FHOD3: variants seen among roughly 807,000 people sequenced by gnomAD.
The protein encoded by FHOD3 is FH1/FH2 domain-containing protein 3.
In FHOD3, 90 loss-of-function variants were observed where a neutral mutation model predicts 173.0. The observed-to-expected ratio is 0.52, with a 90% CI of 0.44 to 0.62. The LOEUF is 0.62. FHOD3 is among the 20% of genes least tolerant of loss of function. The probability of loss-of-function intolerance (pLI) is 0.00; values close to 1 mark genes in which losing one functional copy is unlikely to be tolerated. For missense variants in FHOD3, 1,945 were observed against 2,034.7 expected (o/e 0.96, Z 0.85); for synonymous variants, 828 against 823.0 (o/e 1.01, Z -0.10).
chr18:36,740,628 A>C, intron 20 of FHOD3, 28 bp from the exon 21 acceptor site: 1 of 1,583,652 alleles, frequency 6.3e-7, no homozygotes, highest in Non-Finnish European at 8.6e-7. Flanking sequence ...ACTAAGAGAA[A>C]ATATACTATA....
chr18:36,755,671 G>A (rs1394298769), intron 25 of FHOD3, among the ~76,000 whole-genome samples: 4 of 152,152 alleles, frequency 2.6e-5, no homozygotes, highest in South Asian at 2.1e-4. Flanking sequence ...AGATAATGCC[G>A]CTTATCATAG....
At chr18:36,395,512 TG>T (rs1462730124) in intron 3 of FHOD3, among the ~76,000 whole-genome samples, 2 of 152,172 alleles carry the variant, frequency 1.3e-5, no homozygotes, top group Non-Finnish European at 2.9e-5. Flanking sequence ...GAGTCTTTGA[TG>T]TAAAAAAATG....
At chr18:36,547,877 G>A (rs948505752) in intron 5 of FHOD3, among the ~76,000 whole-genome samples, 1 of 152,184 alleles carries the variant, frequency 6.6e-6, no homozygotes, top group Non-Finnish European at 1.5e-5. Flanking sequence ...GAGTAAGATT[G>A]GGTTTGATTA....
At chr18:36,635,038 T>C (rs1039304159) in intron 10 of FHOD3, among the ~76,000 whole-genome samples, 4 of 152,140 alleles carry the variant, frequency 2.6e-5, no homozygotes, top group Non-Finnish European at 5.9e-5. Context: ...AAAAGTATGA[T>C]TGGAATACAG....
At chr18:36,605,563 C>T (rs4799875) in intron 8 of FHOD3, among the ~76,000 whole-genome samples, 15,249 of 152,048 alleles carry the variant, frequency 0.1, 1,013 homozygotes, top group Admixed American at 0.17. Flanking sequence ...CCTAGTGTTC[C>T]GTTATTGGAA....
intron 23 of FHOD3, among the ~76,000 whole-genome samples, chr18:36,746,021 CA>C (rs1271633022): frequency 6.6e-6 from 1 of 152,076 alleles, no homozygotes; most frequent in Non-Finnish European, 1.5e-5. Context: ...TTTCTTTCCC[CA>C]TCCCTTTGTT....
chr18:36,625,578 G>T lies in FHOD3; in HGVS notation c.1025G>T (p.Arg342Met). The T allele has an allele frequency of 6.4e-7, 1 of 1,550,548 alleles. No individual in the cohort carries two copies. The highest frequency in any genetic ancestry group is 8.8e-7 in the Non-Finnish European group (1 of 1,140,712). ...EPPPSGCRDR[R>M]RASVCSSGGG... ...CCCCCCAGTGGGTGCCGGGACCGGA[G>T]GAGGGCCAGCGTGTGTTCCAGTGGC... is the stretch of plus-strand genomic sequence containing the variant. The change falls in exon 10 of 29, where the codon AGG (arginine) becomes ATG (methionine). Residue 342 changes from arginine (R) to methionine (M), a missense_variant. Physicochemically the swap from Arg to Met is moderately conservative, Grantham distance 91. Coordinates refer to ENST00000590592, the MANE Select transcript of FHOD3 (RefSeq NM_001281740.3).
intron 5 of FHOD3, among the ~76,000 whole-genome samples, chr18:36,515,021 C>T (rs1171559594): frequency 6.6e-6 from 1 of 152,178 alleles, no homozygotes; most frequent in Non-Finnish European, 1.5e-5. Context: ...TCTGGTGAGC[C>T]ACAGTGAGGC....
chr18:36,576,409 A>G, intron 5 of FHOD3, 42 bp from the exon 6 acceptor site: 7 of 1,404,108 alleles, frequency 5.0e-6, no homozygotes, highest in Non-Finnish European at 7.0e-6. Flanking sequence ...TTATATTTCT[A>G]TATACATCTA....
At chr18:36,389,845 G>C (rs1280938922) in intron 3 of FHOD3, among the ~76,000 whole-genome samples, 1 of 152,098 alleles carries the variant, frequency 6.6e-6, no homozygotes, top group Non-Finnish European at 1.5e-5. Context: ...CAATGAGTAG[G>C]GCAGGCTCAG....
At chr18:36,300,665 G>A (rs1348387728) in intron 1 of FHOD3, among the ~76,000 whole-genome samples, 3 of 152,164 alleles carry the variant, frequency 2.0e-5, no homozygotes, top group Non-Finnish European at 2.9e-5. Context: ...AAGCATGAGC[G>A]TGGGACAGGC....
chr18:36,769,893 G>A (rs1353751434), intron 28 of FHOD3, among the ~76,000 whole-genome samples: 1 of 152,152 alleles, frequency 6.6e-6, no homozygotes, highest in African/African-American at 2.4e-5. Context: ...AAAAACTAGG[G>A]TAGCAAGGGA....
At chr18:36,716,709 C>T (rs1476768161) in intron 18 of FHOD3, among the ~76,000 whole-genome samples, 1 of 152,040 alleles carries the variant, frequency 6.6e-6, no homozygotes, top group Non-Finnish European at 1.5e-5. Flanking sequence ...GTCACTGGTA[C>T]CTGAAAGCAG....
intron 19 of FHOD3, among the ~76,000 whole-genome samples, chr18:36,724,276 G>A (rs1318941596): frequency 6.6e-6 from 1 of 152,158 alleles, no homozygotes; most frequent in African/African-American, 2.4e-5. Flanking sequence ...CTGGCTTAGC[G>A]GTTCTAGAAA....
At chr18:36,487,638 T>C (rs942367110) in intron 3 of FHOD3, among the ~76,000 whole-genome samples, 2 of 152,240 alleles carry the variant, frequency 1.3e-5, no homozygotes, top group African/African-American at 2.4e-5. Context: ...TTTTCTGCAA[T>C]TGAAGTCTGG....
chr18:36,546,160 G>T (rs886506648), intron 5 of FHOD3, among the ~76,000 whole-genome samples: 2 of 152,194 alleles, frequency 1.3e-5, no homozygotes, highest in African/African-American at 4.8e-5. Flanking sequence ...CATTGGCTCT[G>T]GCTGGTGTTA....
At chr18:36,374,241 A>G (rs917038207) in intron 3 of FHOD3, among the ~76,000 whole-genome samples, 6 of 152,192 alleles carry the variant, frequency 3.9e-5, no homozygotes, top group South Asian at 4.1e-4. Context: ...TCTGTATCCT[A>G]TCGTCCCATG....
chr18:36,479,912 C>T (rs910338388), intron 3 of FHOD3, among the ~76,000 whole-genome samples: 6 of 152,162 alleles, frequency 3.9e-5, no homozygotes, highest in Non-Finnish European at 2.9e-5. Context: ...ACAGTTCTTC[C>T]TCAGCTGCAG....
chr18:36,561,933 G>A (rs1451016983), intron 5 of FHOD3, among the ~76,000 whole-genome samples: 1 of 151,130 alleles, frequency 6.6e-6, no homozygotes, highest in Admixed American at 6.6e-5. Context: ...TTCGCTAAAT[G>A]GTAGGCAAGT....
Sources: allele counts gnomAD v4.1 joint callset (sites outside exome capture counted in the v4.1 genomes callset), GRCh38; gene constraint gnomAD v4.1.1; transcripts MANE v1.5; gene names NCBI Gene and HGNC (gene_info 2026-07-23, HGNC 2026-07-21).